Variants in USP13 observed in about 807,000 individuals in gnomAD.
USP13 encodes the protein ubiquitin carboxyl-terminal hydrolase 13.
In USP13, 68 loss-of-function variants were observed where a neutral mutation model predicts 107.8. The observed-to-expected ratio is 0.63, with a 90% CI of 0.52 to 0.77. USP13 has a LOEUF of 0.77. USP13 is among the 30% of genes least tolerant of loss of function. The probability of loss-of-function intolerance (pLI) is 0.00; values close to 1 mark genes in which losing one functional copy is unlikely to be tolerated. For synonymous variants in USP13, 377 were observed against 389.5 expected (o/e 0.97, Z 0.38); for missense variants, 945 against 1,093.3 (o/e 0.86, Z 1.91).
intron 3 of USP13, among the ~76,000 whole-genome samples, chr3:179,699,747 T>TTTAA (rs375589534): frequency 7.2e-6 from 1 of 138,036 alleles, no homozygotes; most frequent in South Asian, 2.3e-4. Context: ...ATCTTATTTA[T>TTTAA]TTTATTTATT....
At chr3:179,711,084 G>A (rs577199550) in intron 6 of USP13, among the ~76,000 whole-genome samples, 1 of 152,210 alleles carries the variant, frequency 6.6e-6, no homozygotes, top group South Asian at 2.1e-4. Flanking sequence ...TGAAAACATT[G>A]TCCTTTTCAA....
At chr3:179,718,062 A>G (rs575400166) in intron 6 of USP13, among the ~76,000 whole-genome samples, 100 of 152,088 alleles carry the variant, frequency 6.6e-4, no homozygotes, top group Non-Finnish European at 1.1e-3. Context: ...TGATGTTCCA[A>G]GGAGTAGGGA....
At chr3:179,756,984 G>A (rs1207261960) in intron 15 of USP13, 68 bp from the exon 16 acceptor site, 3 of 1,567,210 alleles carry the variant, frequency 1.9e-6, no homozygotes, top group South Asian at 2.2e-5. Flanking sequence ...GGATCAATGG[G>A]TTTTCTTTTT....
chr3:179,722,706 C>T (rs1038152283), intron 8 of USP13, among the ~76,000 whole-genome samples: 4 of 151,898 alleles, frequency 2.6e-5, no homozygotes, highest in Non-Finnish European at 5.9e-5. Context: ...CTGTAGTCAC[C>T]CTGTTGTGCT....
intron 16 of USP13, among the ~76,000 whole-genome samples, chr3:179,759,540 A>G (rs1332729242): frequency 2.6e-5 from 4 of 152,210 alleles, no homozygotes; most frequent in African/African-American, 9.6e-5. Context: ...TTTTGATTCA[A>G]TGGTTACATC....
At chr3:179,680,744 T>C (rs1193608108) in intron 1 of USP13, among the ~76,000 whole-genome samples, 1 of 152,172 alleles carries the variant, frequency 6.6e-6, no homozygotes, top group Non-Finnish European at 1.5e-5. Context: ...GGTTTCACCA[T>C]GTTGGCCAGG....
intron 1 of USP13, among the ~76,000 whole-genome samples, chr3:179,654,820 G>A (rs767361879): frequency 6.6e-6 from 1 of 152,130 alleles, no homozygotes; most frequent in Non-Finnish European, 1.5e-5. Flanking sequence ...ACTTTTGCTC[G>A]ACACACACTG....
At chr3:179,690,363 CAT>C (rs1293113972) in intron 3 of USP13, 62 bp downstream of exon 3, 6 of 1,385,472 alleles carry the variant, frequency 4.3e-6, no homozygotes, top group Non-Finnish European at 6.1e-6. Flanking sequence ...TGTGCATACT[CAT>C]GTGCATCTTT....
In USP13 at chr3:179,708,887, G is replaced by A. The variant is rs140845211; in HGVS notation, c.735G>A (p.Ala245=). ...ACAGCTCTGGGGGCAACGGGCATGC[G>A]CTGGAGCATTACAGAGACATGGGCT... ...FFDSSGGNGH[A]LEHYRDMGYP... The change falls in exon 6 of 21, where the codon GCG becomes GCA. Residue 245 remains alanine, a synonymous_variant. Transcript: ENST00000263966. 731 of 1,614,006 alleles carry A rather than the reference G, an allele frequency of 4.5e-4. No homozygotes were observed. The highest frequency in any genetic ancestry group is 6.6e-4 in the Middle Eastern group (4 of 6,084).
At chr3:179,703,681 C>T (rs56254528) in intron 4 of USP13, among the ~76,000 whole-genome samples, 8,491 of 152,166 alleles carry the variant, frequency 0.056, 264 homozygotes, top group Non-Finnish European at 0.068. Flanking sequence ...ATCAATATGA[C>T]GTCACTGAAT....
rs1715979048 is a variant in USP13, at chr3:179,788,708, G to A, written c.*4567G>A. 1 of 151,850 alleles carries A rather than the reference G, an allele frequency of 6.6e-6. No homozygotes were observed. The highest frequency in any genetic ancestry group is 1.5e-5 in the Non-Finnish European group (1 of 68,000). 9.4% of individuals were successfully genotyped at this position (151,850 alleles called of 1,614,324 possible). A position where few individuals can be genotyped will look rare whatever the true frequency, so the allele number is the denominator to read the frequency against. On this transcript the variant is annotated 3_prime_UTR_variant, in exon 21 of 21. Coordinates refer to ENST00000263966, the MANE Select transcript of USP13 (RefSeq NM_003940.3). ...GTGGCCCCTAAAGAACTTCAAATTAGACATGTGGATAACGTTATACTTCTA... is the reference window on the plus strand; with the variant it reads ...GTGGCCCCTAAAGAACTTCAAATTAAACATGTGGATAACGTTATACTTCTA...
intron 17 of USP13, among the ~76,000 whole-genome samples, chr3:179,761,552 T>C (rs888039531): frequency 2.6e-5 from 4 of 152,036 alleles, no homozygotes; most frequent in Admixed American, 2.6e-4. Flanking sequence ...TGAAACCCCA[T>C]CTCTACTAAA....
rs1712326047 is a variant in USP13 at position 179,696,350 on chromosome 3, G to A, written c.356-4658G>A. ...GGCATTTTTTTTTTTTTTTTTTTGA[G>A]ATGGAGTCTTGCTCTTGTTGCCCAG... On this transcript the variant is annotated intron_variant, in intron 3 of 20. Coordinates refer to ENST00000263966, the MANE Select transcript of USP13 (RefSeq NM_003940.3). 1.3e-4 allele frequency among the ~76,000 whole-genome samples: 5 copies of A among 37,900 alleles called. No homozygotes were observed. In the South Asian group the frequency reaches 2.7e-3, roughly 20 times the overall value. 24.9% of individuals were successfully genotyped at this position (37,900 alleles called of 152,430 possible).
rs115961158 is a variant in USP13 at position 179,680,429 on chromosome 3, C to T, written c.169-1449C>T. Among the ~76,000 whole-genome samples the T allele has an allele frequency of 6.2e-3, 945 of 152,230 alleles. 13 individuals carry two copies. The highest frequency in any genetic ancestry group is 0.022 in the African/African-American group (899 of 41,532). On this transcript the variant is annotated intron_variant, in intron 1 of 20. Coordinates refer to ENST00000263966, the MANE Select transcript of USP13 (RefSeq NM_003940.3). ...AGTTCAGCATCCCTAATCTGAAAAT[C>T]GGAAATCCAGAATGCTCCAAAATCT...
chr3:179,782,380 A>G (rs1715779194), intron 20 of USP13, among the ~76,000 whole-genome samples: 1 of 152,182 alleles, frequency 6.6e-6, no homozygotes, highest in Non-Finnish European at 1.5e-5. Flanking sequence ...TTGCCTTACT[A>G]CAGCCTTGCA....
intron 2 of USP13, among the ~76,000 whole-genome samples, chr3:179,687,342 G>T: frequency 6.6e-6 from 1 of 151,918 alleles, no homozygotes; most frequent in South Asian, 2.1e-4. Flanking sequence ...TGCTGTTCTT[G>T]TCTGAGTGCT....
Position 179,740,260 on chromosome 3 carries a change from G to A in USP13, c.1268G>A (p.Gly423Glu). 1 of 1,614,072 alleles carries A rather than the reference G, an allele frequency of 6.2e-7. No individual in the cohort carries two copies. Among genetic ancestry groups the A allele is most frequent in the East Asian group, 2.2e-5 (1 of 44,880 alleles). ...MKEEHKPQQN[G>E]ISPRMFKAFV... ...TTTATACATTAGCCACAGCAGAACGGGATCTCTCCGCGCATGTTTAAGGCC... is the reference window on the plus strand; with the variant it reads ...TTTATACATTAGCCACAGCAGAACGAGATCTCTCCGCGCATGTTTAAGGCC... Residue 423 changes from glycine to glutamate, a missense_variant, in exon 11 of 21, where the codon GGG becomes GAG. Transcript: ENST00000263966.
intron 1 of USP13, among the ~76,000 whole-genome samples, chr3:179,667,615 G>A (rs1359833841): frequency 2.0e-5 from 3 of 152,088 alleles, no homozygotes; most frequent in South Asian, 2.1e-4. Flanking sequence ...TGCAGTGGGG[G>A]ACAGCATCCT....
At chr3:179,761,337 G>A in intron 17 of USP13, 82 bp downstream of exon 17, 1 of 1,535,564 alleles carries the variant, frequency 6.5e-7, no homozygotes, top group South Asian at 1.2e-5. Flanking sequence ...CAAGGTCCCT[G>A]TGGATGTATC....
Sources: gnomAD v4.1 joint callset for allele counts (sites outside exome capture counted in the v4.1 genomes callset) on GRCh38, gnomAD v4.1.1 for gene constraint, MANE v1.5 for transcripts, NCBI Gene and HGNC (gene_info 2026-07-23, HGNC 2026-07-21) for gene names.